XPO5: variants seen among roughly 807,000 people sequenced by gnomAD.
The protein encoded by XPO5 is exportin-5.
XPO5 carries 46 observed loss-of-function variants against 160.6 expected under a neutral mutation model. The observed-to-expected ratio is 0.29, with a 90% CI of 0.23 to 0.37. XPO5 has a LOEUF of 0.37. Ranked by LOEUF, XPO5 falls within the 10% of genes least tolerant of loss-of-function variation. XPO5 has a pLI of 1.00. For missense variants in XPO5, 1,090 were observed against 1,463.9 expected, an observed-to-expected ratio of 0.74 and a Z score of 4.17; for synonymous variants, 537 against 519.3, an observed-to-expected ratio of 1.03 and a Z score of -0.46.
intron 21 of XPO5, chr6:43,533,698 C>T (rs575802913): frequency 1.5e-4 from 49 of 317,606 alleles, no homozygotes; most frequent in African/African-American, 3.8e-4. Flanking sequence ...GTTCGTCTGG[C>T]GTTGTGATCT....
intron 12 of XPO5, chr6:43,556,184 C>T: frequency 2.1e-6 from 1 of 485,888 alleles, no homozygotes; most frequent in South Asian, 3.3e-5. Context: ...CAGCTAGATC[C>T]TGTAAGTGGC....
At position 43,533,842 on chromosome 6, in the gene XPO5, C is replaced by CA. The variant is rs11404474; in HGVS notation, c.2443+64dup. ...AGAGACTATGACTCTTAAAAAACAA[C>CA]AAAAAAAGGGGACATCCATTAGGGA... On this transcript the variant is annotated intron_variant, in intron 21 of 31. Transcript: ENST00000265351. The CA allele has an allele frequency of 1.7e-5, 22 of 1,283,926 alleles. No homozygotes were observed. Among genetic ancestry groups the CA allele is most frequent in the African/African-American group, 3.0e-5 (2 of 66,216 alleles). 79.5% of individuals were successfully genotyped at this position (1,283,926 alleles called of 1,614,324 possible). A position where few individuals can be genotyped will look rare whatever the true frequency, so the allele number is the denominator to read the frequency against.
At chr6:43,539,577 C>G in intron 20 of XPO5, 2 of 1,360,354 alleles carry the variant, frequency 1.5e-6, no homozygotes, top group Non-Finnish European at 2.1e-6. Context: ...CAGCCCCGGC[C>G]CGGTCCACGG....
intron 28 of XPO5, 71 bp downstream of exon 28, chr6:43,525,768 G>A (rs1793546278): frequency 1.5e-5 from 22 of 1,514,512 alleles, no homozygotes; most frequent in Non-Finnish European, 2.0e-5. Context: ...TAGCACCATA[G>A]AGCAAGAAAA....
intron 5 of XPO5, among the ~76,000 whole-genome samples, 183 bp downstream of exon 5, chr6:43,570,311 CAAAAAAAA>C (rs70990200): frequency 1.3e-5 from 1 of 77,194 alleles, no homozygotes; most frequent in Admixed American, 1.6e-4. Flanking sequence ...GCCTCCGTCT[CAAAAAAAA>C]AAAAAAAAAA....
intron 20 of XPO5, among the ~76,000 whole-genome samples, chr6:43,543,761 C>A (rs1045593123): frequency 6.6e-6 from 1 of 151,992 alleles, no homozygotes; most frequent in African/African-American, 2.4e-5. Context: ...ACTGCAACCT[C>A]CACCTCCCAG....
chr6:43,571,443 T>TA (rs547583637), intron 3 of XPO5, among the ~76,000 whole-genome samples: 2,784 of 151,960 alleles, frequency 0.018, 100 homozygotes, highest in African/African-American at 0.063. Context: ...GTCTGTTATT[T>TA]AAAAAAAACC....
chr6:43,523,590 C>G lies in XPO5; in HGVS notation c.*278G>C. ...CTTGTGGGAGAAGGGCTGCTCTGCT[C>G]TAGCTTTTCTTGGAAAAGCCAAATC... On this transcript the variant is annotated 3_prime_UTR_variant, in exon 32 of 32. Transcript: ENST00000265351. 1 of 634,092 alleles carries G rather than the reference C, an allele frequency of 1.6e-6. No individual in the cohort carries two copies. The allele number at this position is 634,092 out of a possible 1,614,324, so 39.3% of individuals were successfully genotyped here.
chr6:43,564,284 C>T (rs1157303739), intron 8 of XPO5, among the ~76,000 whole-genome samples: 7 of 152,160 alleles, frequency 4.6e-5, no homozygotes, highest in African/African-American at 1.7e-4. Context: ...AATCCCAGTA[C>T]TTTGGGAGGC....
intron 3 of XPO5, among the ~76,000 whole-genome samples, chr6:43,571,303 G>A (rs1762993946): frequency 6.6e-6 from 1 of 152,130 alleles, no homozygotes; most frequent in Non-Finnish European, 1.5e-5. Context: ...AGGCCAGGGA[G>A]GAAGAGTATA....
Position 43,526,553 on chromosome 6 carries a change from G to C in XPO5, c.2983+132C>G. Reference sequence around the variant, plus strand: ...TATGATGGAGGCACACAGCAAGAGGGCTGGTCCAGAGATGATAACTACATG... The same window carrying C: ...TATGATGGAGGCACACAGCAAGAGGCCTGGTCCAGAGATGATAACTACATG... On this transcript the variant is annotated intron_variant, in intron 27 of 31. Coordinates refer to ENST00000265351, the MANE Select transcript of XPO5 (RefSeq NM_020750.3). 3.0e-6 allele frequency: 3 copies of C among 986,620 alleles called. No homozygotes were observed. The South Asian group carries it at 4.3e-5, about 14-fold the overall frequency. 61.1% of individuals were successfully genotyped at this position (986,620 alleles called of 1,614,324 possible).
At chr6:43,562,101 A>AT in intron 9 of XPO5, 146 bp downstream of exon 9, 1 of 549,460 alleles carries the variant, frequency 1.8e-6, no homozygotes, top group Non-Finnish European at 3.2e-6. Context: ...AAGATAATTT[A>AT]ATCTATAGAA....
At chr6:43,539,283 C>T in intron 20 of XPO5, 2 of 1,523,454 alleles carry the variant, frequency 1.3e-6, no homozygotes, top group East Asian at 2.3e-5. Flanking sequence ...GAGCACTTAA[C>T]ACCCAGACCG....
intron 12 of XPO5, 78 bp from the exon 13 acceptor site, chr6:43,556,042 C>T (rs748906348): frequency 6.4e-7 from 1 of 1,564,856 alleles, no homozygotes. Context: ...TATTAATTTA[C>T]CACCCTAGGG....
rs1420125346 is a variant in XPO5, at chr6:43,558,368, AG to A, written c.1312+132del. 100 of 744,546 alleles carry A rather than the reference AG, an allele frequency of 1.3e-4. No individual in the cohort carries two copies. The East Asian group carries it at 2.6e-3, about 19-fold the overall frequency. The allele number at this position is 744,546 out of a possible 1,614,324, so 46.1% of individuals were successfully genotyped here. On this transcript the variant is annotated intron_variant, in intron 12 of 31. Coordinates refer to ENST00000265351, the MANE Select transcript of XPO5 (RefSeq NM_020750.3). Reference sequence around the variant, plus strand: ...CAGCACTCTTCTGCAATGGGAAACTAGGGCCTAATAAGTAGGCTGCTATCCA... The same window carrying A: ...CAGCACTCTTCTGCAATGGGAAACTAGGCCTAATAAGTAGGCTGCTATCCA...
chr6:43,522,606 C>G lies in XPO5; in HGVS notation c.*1262G>C, dbSNP rs1420697369. 1.6e-5 allele frequency: 6 copies of G among 380,714 alleles called. No homozygotes were observed. The highest frequency in any genetic ancestry group is 3.5e-5 in the Non-Finnish European group (6 of 172,022). 23.6% of individuals were successfully genotyped at this position (380,714 alleles called of 1,614,324 possible). The stretch of plus-strand genomic sequence containing the variant: ...CAGGAAGAGGGAGCAACACAAGACT[C>G]CCAACTTCTGCTTCCCCAGCTTTGC... On this transcript the variant is annotated 3_prime_UTR_variant, in exon 32 of 32. Coordinates refer to ENST00000265351, the MANE Select transcript of XPO5 (RefSeq NM_020750.3).
At chr6:43,541,382 A>G (rs916157575) in intron 20 of XPO5, among the ~76,000 whole-genome samples, 7 of 152,262 alleles carry the variant, frequency 4.6e-5, no homozygotes, top group African/African-American at 1.7e-4. Flanking sequence ...TACCCCATAA[A>G]TATATGTATG....
At chr6:43,571,474 A>C (rs1763004042) in intron 3 of XPO5, among the ~76,000 whole-genome samples, 1 of 152,218 alleles carries the variant, frequency 6.6e-6, no homozygotes, top group Non-Finnish European at 1.5e-5. Flanking sequence ...AAAGGCTACA[A>C]TTTTGAACAT....
intron 20 of XPO5, among the ~76,000 whole-genome samples, chr6:43,540,934 G>C (rs1340997946): frequency 6.6e-6 from 1 of 151,624 alleles, no homozygotes; most frequent in Admixed American, 6.6e-5. Context: ...AAAAAAAAGA[G>C]ATCTTGTCAT....
Sources: gnomAD v4.1 joint callset for allele counts (sites outside exome capture counted in the v4.1 genomes callset) on GRCh38, gnomAD v4.1.1 for gene constraint, MANE v1.5 for transcripts, NCBI Gene and HGNC (gene_info 2026-07-23, HGNC 2026-07-21) for gene names.